The following RBM26 variants were observed in gnomAD, a reference collection of about 807,000 sequenced individuals.
RBM26 encodes the protein RNA binding motif protein 26.
Under a neutral mutation model 123.6 loss-of-function variants are expected in RBM26, and 30 were observed. That is an observed-to-expected ratio of 0.24 (90% confidence interval 0.18 to 0.33). The LOEUF (loss-of-function observed/expected upper bound fraction) is 0.33, where lower values mean the gene tolerates loss of function less well. Ranked by LOEUF, RBM26 falls within the 10% of genes least tolerant of loss-of-function variation. The pLI, the probability that RBM26 is intolerant of heterozygous loss-of-function variation, is 1.00. For synonymous variants in RBM26, 400 were observed against 404.4 expected (o/e 0.99, Z 0.13); for missense variants, 947 against 1,203.6 (o/e 0.79, Z 3.15).
chr13:79,371,910 T>C lies in RBM26; in HGVS notation c.348A>G (p.Arg116=). Residue 116 remains arginine (R), a synonymous_variant, in exon 4 of 22, where the codon CGA becomes CGG. Coordinates refer to ENST00000438737, the MANE Select transcript of RBM26 (RefSeq NM_001366735.2). ...KKEEITKEEE[R]EKKFSRRLNH... ...TTAGCCTTCTAGAAAACTTCTTCTC[T>C]CGCTCTTCCTCCTTAGTGATCTGAT... 6.2e-7 allele frequency: 1 copy of C among 1,607,386 alleles called. No homozygotes were observed.
At chr13:79,393,921 T>C (rs2078324410) in intron 1 of RBM26, among the ~76,000 whole-genome samples, 2 of 152,232 alleles carry the variant, frequency 1.3e-5, no homozygotes, top group South Asian at 2.1e-4. Flanking sequence ...GTGTGTGTTC[T>C]GAAATGGCTT....
intron 19 of RBM26, among the ~76,000 whole-genome samples, 187 bp downstream of exon 19, chr13:79,336,915 T>G (rs1359646119): frequency 6.6e-6 from 1 of 152,244 alleles, no homozygotes; most frequent in Admixed American, 6.5e-5. Context: ...TAGTAATGTC[T>G]CTTCTAGATA....
At chr13:79,375,195 G>A (rs1282337218) in intron 3 of RBM26, among the ~76,000 whole-genome samples, 11 of 89,822 alleles carry the variant, frequency 1.2e-4, no homozygotes, top group Admixed American at 3.8e-4. Context: ...TTTTTGAGAC[G>A]GAGTTTAGCT....
chr13:79,356,743 GAAC>G (rs1475823696), intron 11 of RBM26, among the ~76,000 whole-genome samples: 2 of 152,114 alleles, frequency 1.3e-5, no homozygotes, highest in African/African-American at 2.4e-5. Flanking sequence ...CATGTTTTAA[GAAC>G]AATAATACAG....
chr13:79,364,834 C>T (rs2075093678), intron 9 of RBM26, among the ~76,000 whole-genome samples: 1 of 152,074 alleles, frequency 6.6e-6, no homozygotes, highest in Non-Finnish European at 1.5e-5. Flanking sequence ...ATATCCTTTG[C>T]TTAAAAATAT....
chr13:79,386,168 C>T (rs1428322541), intron 1 of RBM26, among the ~76,000 whole-genome samples: 2 of 151,530 alleles, frequency 1.3e-5, no homozygotes, highest in African/African-American at 4.8e-5. Context: ...CCAAGTTTTA[C>T]ACTTTTTGCA....
intron 14 of RBM26, among the ~76,000 whole-genome samples, chr13:79,351,154 A>G (rs544692053): frequency 6.6e-6 from 1 of 152,288 alleles, no homozygotes; most frequent in East Asian, 1.9e-4. Context: ...AATTTTATAA[A>G]AGCTATGAGT....
chr13:79,404,766 C>T (rs149603201), intron 1 of RBM26, among the ~76,000 whole-genome samples: 1 of 152,144 alleles, frequency 6.6e-6, no homozygotes, highest in Non-Finnish European at 1.5e-5. Flanking sequence ...TGTGAAATAG[C>T]CCCCCTCATA....
chr13:79,342,243 C>T (rs1409637167), intron 17 of RBM26, among the ~76,000 whole-genome samples: 1 of 151,682 alleles, frequency 6.6e-6, no homozygotes, highest in Non-Finnish European at 1.5e-5. Flanking sequence ...CACTTATTAC[C>T]ATCTATGTAG....
chr13:79,391,824 A>G (rs960595691), intron 1 of RBM26, among the ~76,000 whole-genome samples: 5 of 152,008 alleles, frequency 3.3e-5, no homozygotes, highest in Admixed American at 1.3e-4. Context: ...TTTCCCTAAT[A>G]CATGAAAAGC....
chr13:79,352,872 C>T (rs1308491104), intron 14 of RBM26, among the ~76,000 whole-genome samples: 4 of 151,900 alleles, frequency 2.6e-5, no homozygotes, highest in Admixed American at 1.3e-4. Flanking sequence ...AATCAAAATG[C>T]ACAGTATCTC....
Position 79,320,541 on chromosome 13 carries a change from C to A in RBM26, c.*80G>T. On this transcript the variant is annotated 3_prime_UTR_variant, in exon 22 of 22. Coordinates refer to ENST00000438737, the MANE Select transcript of RBM26 (RefSeq NM_001366735.2). ...CACATTTTACCAAAAATTGTTTTTA[C>A]AAATATGTAAAAGTACATTAGATAA... 1.5e-6 allele frequency: 2 copies of A among 1,304,162 alleles called. No individual in the cohort carries two copies. Among genetic ancestry groups the A allele is most frequent in the Non-Finnish European group, 9.8e-7 (1 of 1,015,652 alleles). 80.8% of individuals were successfully genotyped at this position (1,304,162 alleles called of 1,614,324 possible). A position where few individuals can be genotyped will look rare whatever the true frequency, so the allele number is the denominator to read the frequency against.
At chr13:79,402,077 T>A (rs1013277913) in intron 1 of RBM26, among the ~76,000 whole-genome samples, 1 of 151,118 alleles carries the variant, frequency 6.6e-6, no homozygotes, top group African/African-American at 2.4e-5. Flanking sequence ...AAGTTTTAAA[T>A]ACAGTAGAAA....
rs765435313 is a variant in RBM26 at position 79,354,443 on chromosome 13, G to A, written c.1982C>T (p.Pro661Leu). 3 of 1,574,272 alleles carry A rather than the reference G, an allele frequency of 1.9e-6. No homozygotes were observed. Among genetic ancestry groups the A allele is most frequent in the Admixed American group, 1.7e-5 (1 of 57,640 alleles). The change falls in exon 13 of 22, where the codon CCT (proline) becomes CTT (leucine). Residue 661 changes from proline to leucine, a missense_variant. Pro to Leu is a moderately conservative substitution (Grantham distance 98, BLOSUM62 -3). Transcript: ENST00000438737. ...AEAQSASSDLPQNVTKLSVKD... is the reference protein window; with the variant it reads ...AEAQSASSDLLQNVTKLSVKD... ...ATCGTAAGACCTTTGCTTTACCTGA[G>A]GAAGGTCTGAAGAGGCACTCTGGGC...
chr13:79,359,354 G>A (rs1418132863), intron 10 of RBM26, among the ~76,000 whole-genome samples: 2 of 152,050 alleles, frequency 1.3e-5, no homozygotes, highest in Non-Finnish European at 2.9e-5. Context: ...ATGATAAGAG[G>A]AAAAAATTAT....
Position 79,406,023 on chromosome 13 carries a change from C to G in RBM26, c.-249G>C. On this transcript the variant is annotated 5_prime_UTR_variant, in exon 1 of 22. Transcript: ENST00000438737. ...CCCGGGCTGAAACAGCAACGGTTTG[C>G]CCGGGCCCTCCCCCTTCCCTCTTCC... 3.5e-6 allele frequency: 1 copy of G among 287,022 alleles called. No homozygotes were observed. Among genetic ancestry groups the G allele is most frequent in the Non-Finnish European group, 6.3e-6 (1 of 157,896 alleles). 17.8% of individuals were successfully genotyped at this position (287,022 alleles called of 1,614,324 possible). A position where few individuals can be genotyped will look rare whatever the true frequency, so the allele number is the denominator to read the frequency against.
intron 11 of RBM26, among the ~76,000 whole-genome samples, chr13:79,356,987 T>C (rs1312996117): frequency 3.9e-5 from 6 of 152,202 alleles, no homozygotes; most frequent in Non-Finnish European, 7.4e-5. Context: ...AACTCAAAGA[T>C]ATTCAAGATT....
At chr13:79,334,926 T>G (rs768828471) in intron 19 of RBM26, among the ~76,000 whole-genome samples, 2 of 152,142 alleles carry the variant, frequency 1.3e-5, no homozygotes, top group Non-Finnish European at 2.9e-5. Flanking sequence ...GATTCAAAAG[T>G]TTAACACCCT....
chr13:79,323,495 T>C (rs1478167723), intron 20 of RBM26, among the ~76,000 whole-genome samples: 11 of 151,624 alleles, frequency 7.3e-5, no homozygotes, highest in Admixed American at 7.2e-4. Flanking sequence ...TACTTATATG[T>C]ATTTTAGTTC....
Sources: gnomAD v4.1 joint callset for allele counts (sites outside exome capture counted in the v4.1 genomes callset) on GRCh38, gnomAD v4.1.1 for gene constraint, MANE v1.5 for transcripts, NCBI Gene and HGNC (gene_info 2026-07-23, HGNC 2026-07-21) for gene names.